Variants in CAMTA1 observed in about 807,000 individuals in gnomAD.
CAMTA1 encodes the protein calmodulin binding transcription activator 1, also known as calmodulin-binding transcription activator 1.
CAMTA1 carries 27 observed loss-of-function variants against 170.9 expected under a neutral mutation model. That is an observed-to-expected ratio of 0.16 (90% CI 0.12 to 0.22). CAMTA1 has a LOEUF of 0.22. Among genes scored for constraint, CAMTA1 ranks in the 10% least tolerant of loss-of-function variants. The pLI is 1.00. For synonymous variants in CAMTA1, 833 were observed against 891.5 expected (o/e 0.93, Z 1.17); for missense variants, 1,619 against 2,217.2 (o/e 0.73, Z 5.42).
chr1:7,162,778 G>A (rs577962158), intron 4 of CAMTA1, among the ~76,000 whole-genome samples: 2 of 152,230 alleles, frequency 1.3e-5, no homozygotes, highest in East Asian at 1.9e-4. Flanking sequence ...GAATCTTCCT[G>A]TATGAGCTTC....
intron 11 of CAMTA1, among the ~76,000 whole-genome samples, chr1:7,683,147 C>T (rs891632408): frequency 3.3e-5 from 5 of 149,614 alleles, no homozygotes; most frequent in African/African-American, 1.2e-4. Flanking sequence ...TGCACTCCAG[C>T]CTCCAGCCTG....
intron 3 of CAMTA1, among the ~76,000 whole-genome samples, chr1:7,048,315 A>C (rs1705740392): frequency 6.6e-6 from 1 of 152,184 alleles, no homozygotes; most frequent in African/African-American, 2.4e-5. Flanking sequence ...TCCAAGGTAA[A>C]ATAAACCACC....
chr1:7,081,179 A>T (rs1418072964), intron 3 of CAMTA1, among the ~76,000 whole-genome samples: 1 of 152,230 alleles, frequency 6.6e-6, no homozygotes, highest in Non-Finnish European at 1.5e-5. Flanking sequence ...GCTGGAGCTC[A>T]TCTTCATGGC....
At chr1:7,566,280 G>A (rs1463887221) in intron 6 of CAMTA1, among the ~76,000 whole-genome samples, 1 of 152,182 alleles carries the variant, frequency 6.6e-6, no homozygotes, top group Non-Finnish European at 1.5e-5. Context: ...AAATGGCAAA[G>A]AGCCATCGAC....
At chr1:7,356,109 T>G (rs960878003) in intron 5 of CAMTA1, among the ~76,000 whole-genome samples, 4 of 152,050 alleles carry the variant, frequency 2.6e-5, no homozygotes, top group Non-Finnish European at 4.4e-5. Flanking sequence ...ATTGGACGGG[T>G]TTGGGAGGGA....
At chr1:7,164,046 C>T (rs549530399) in intron 4 of CAMTA1, among the ~76,000 whole-genome samples, 1 of 152,308 alleles carries the variant, frequency 6.6e-6, no homozygotes, top group Non-Finnish European at 1.5e-5. Flanking sequence ...CTGAGCTCTT[C>T]CCAGATGCCA....
At chr1:7,447,532 C>T (rs962720322) in intron 5 of CAMTA1, among the ~76,000 whole-genome samples, 19 of 152,156 alleles carry the variant, frequency 1.2e-4, no homozygotes, top group African/African-American at 4.3e-4. Context: ...CTCAGGGGAT[C>T]GTGCCAGGCT....
chr1:7,274,407 A>T (rs1382187298), intron 5 of CAMTA1, among the ~76,000 whole-genome samples: 2 of 152,250 alleles, frequency 1.3e-5, no homozygotes. Context: ...TTAGGAAAAC[A>T]TGACCGTCCT....
rs535437619 is a variant in CAMTA1, at chr1:7,509,834, C to T, written c.510+41933C>T. Among the ~76,000 whole-genome samples, 5 of 152,052 alleles carry T rather than the reference C, an allele frequency of 3.3e-5. No individual in the cohort carries two copies. The East Asian group carries it at 9.7e-4, about 30-fold the overall frequency. On this transcript the variant is annotated intron_variant, in intron 6 of 22. Transcript: ENST00000303635. Reference sequence around the variant, plus strand: ...AGGGGATGTGGACATGGGGCCTCCCCTTGCCAGCCAGGCGAGCTATGTGGT... The same window carrying T: ...AGGGGATGTGGACATGGGGCCTCCCTTTGCCAGCCAGGCGAGCTATGTGGT...
rs1448810627 is a variant in CAMTA1 at position 7,299,657 on chromosome 1, C to T, written c.438+50031C>T. Among the ~76,000 whole-genome samples the T allele has an allele frequency of 1.3e-5, 2 of 152,176 alleles. No homozygotes were observed. Among genetic ancestry groups the T allele is most frequent in the Non-Finnish European group, 2.9e-5 (2 of 68,026 alleles). ...CCCTGGCCACATTCAGGCAGCAATG[C>T]CCCAACCCCACACAGAGACACACGC... On this transcript the variant is annotated intron_variant, in intron 5 of 22. Coordinates refer to ENST00000303635, the MANE Select transcript of CAMTA1 (RefSeq NM_015215.4). The surrounding 1 kb of genome is among the most constrained non-coding windows in gnomAD (Gnocchi z 4.7).
intron 1 of CAMTA1, among the ~76,000 whole-genome samples, chr1:6,793,273 G>A (rs949329957): frequency 2.6e-5 from 4 of 152,082 alleles, no homozygotes; most frequent in African/African-American, 9.7e-5. Context: ...GGGACATAGA[G>A]CATTCATTCG....
chr1:7,639,062 T>G (rs1179997402), intron 6 of CAMTA1, among the ~76,000 whole-genome samples: 1 of 152,184 alleles, frequency 6.6e-6, no homozygotes, highest in Non-Finnish European at 1.5e-5. Context: ...CACTGCAAGC[T>G]CTGCCTCCCA....
chr1:6,940,391 G>T (rs1020354969), intron 3 of CAMTA1, among the ~76,000 whole-genome samples: 1 of 151,908 alleles, frequency 6.6e-6, no homozygotes, highest in South Asian at 2.1e-4. Flanking sequence ...TCACCTTTCT[G>T]CTCTACTCAG....
intron 6 of CAMTA1, among the ~76,000 whole-genome samples, chr1:7,639,222 G>A (rs970922671): frequency 3.3e-5 from 5 of 151,804 alleles, no homozygotes; most frequent in African/African-American, 1.2e-4. Flanking sequence ...CTCGTGATCC[G>A]CCTGCCTCAG....
chr1:6,941,912 A>G (rs1686704426), intron 3 of CAMTA1, among the ~76,000 whole-genome samples: 1 of 152,166 alleles, frequency 6.6e-6, no homozygotes, highest in South Asian at 2.1e-4. Context: ...GGCTTGGTAA[A>G]TGCAGCCACT....
Position 7,368,320 on chromosome 1 carries a change from G to A in CAMTA1, c.439-99510G>A, listed in dbSNP as rs567894598. ...CTGGGCACTCATGGTTTCATTGGGC[G>A]CAGACACTGGGCACTTATTGTTTCA... On this transcript the variant is annotated intron_variant, in intron 5 of 22. Transcript: ENST00000303635. Among the ~76,000 whole-genome samples, 45 of 148,940 alleles carry A rather than the reference G, an allele frequency of 3.0e-4. 1 individual carries two copies. Among genetic ancestry groups the A allele is most frequent in the African/African-American group, 8.9e-4 (36 of 40,428 alleles).
At chr1:7,157,887 C>T (rs776703059) in intron 4 of CAMTA1, among the ~76,000 whole-genome samples, 21 of 152,090 alleles carry the variant, frequency 1.4e-4, no homozygotes, top group Non-Finnish European at 2.2e-4. Context: ...GGGCCGGGCG[C>T]GGTGGCTCAC....
chr1:6,904,781 C>G (rs933075983), intron 3 of CAMTA1, among the ~76,000 whole-genome samples: 3 of 121,124 alleles, frequency 2.5e-5, no homozygotes, highest in Non-Finnish European at 3.2e-5. Flanking sequence ...TTGGCAGAGA[C>G]GAGGTCTTGC....
chr1:7,334,030 G>A (rs1421531805), intron 5 of CAMTA1, among the ~76,000 whole-genome samples: 1 of 152,196 alleles, frequency 6.6e-6, no homozygotes, highest in Non-Finnish European at 1.5e-5. Flanking sequence ...GGAAGGAGAG[G>A]AAAGGCCATT....
Sources: gnomAD v4.1 joint callset for allele counts (sites outside exome capture counted in the v4.1 genomes callset) on GRCh38, gnomAD v4.1.1 for gene constraint, Gnocchi (gnomAD v3.1) non-coding constraint, MANE v1.5 for transcripts, NCBI Gene and HGNC (gene_info 2026-07-23, HGNC 2026-07-21) for gene names.